Variants in TSGA10 observed in about 807,000 individuals in gnomAD.
TSGA10 encodes the protein testis-specific gene 10 protein.
A neutral mutation model predicts 96.6 loss-of-function variants in TSGA10; 43 were observed. The ratio of observed to expected loss-of-function variants is 0.44; its 90% CI spans 0.35 to 0.57. The LOEUF is 0.57. Ranked by LOEUF, TSGA10 falls within the 20% of genes least tolerant of loss-of-function variation. The pLI, the probability that TSGA10 is intolerant of heterozygous loss-of-function variation, is 0.01. For missense variants in TSGA10, 703 were observed against 834.4 expected, an observed-to-expected ratio of 0.84 and a Z score of 1.94; for synonymous variants, 229 against 269.9, an observed-to-expected ratio of 0.85 and a Z score of 1.48.
At chr2:99,093,202 TC>T (rs767886796) in intron 10 of TSGA10, among the ~76,000 whole-genome samples, 6 of 152,210 alleles carry the variant, frequency 3.9e-5, no homozygotes, top group East Asian at 1.9e-4. Context: ...AAATCCAGCA[TC>T]CCTTTATGAT....
chr2:99,055,490 TGGCAAGCATATGA>T (rs2083874744), intron 16 of TSGA10, among the ~76,000 whole-genome samples: 1 of 151,230 alleles, frequency 6.6e-6, no homozygotes, highest in Non-Finnish European at 1.5e-5. Context: ...AAAAAAAAAA[TGGCAAGCATATGA>T]GGTGCTGGAT....
In TSGA10 at chr2:99,102,567, G is replaced by A; in HGVS notation, c.611+1400C>T. ...TCTGGATGCTCAGCACAGAAAGGCT[G>A]TGTCAGATATGATTATGGAACTTGC... is the stretch of plus-strand genomic sequence containing the variant. On this transcript the variant is annotated intron_variant, in intron 10 of 20. Transcript: ENST00000393483. The A allele has an allele frequency of 2.5e-6, 4 of 1,614,128 alleles. No individual in the cohort carries two copies. In the South Asian group the frequency reaches 4.4e-5, roughly 18 times the overall value.
In TSGA10 at chr2:99,082,090, G is replaced by A. The variant is rs1473213396; in HGVS notation, c.612-693C>T. 2.6e-5 allele frequency among the ~76,000 whole-genome samples: 4 copies of A among 152,166 alleles called. No individual in the cohort carries two copies. In the East Asian group the frequency reaches 7.7e-4, roughly 29 times the overall value. ...CCCCTTCCTCAAGGAGTTAACCTGT[G>A]TAAGCAGACCCTCAGCATTTCAAAG... On this transcript the variant is annotated intron_variant, in intron 10 of 20. Transcript: ENST00000393483.
intron 15 of TSGA10, among the ~76,000 whole-genome samples, chr2:99,068,208 T>C (rs751519646): frequency 2.1e-4 from 32 of 152,208 alleles, no homozygotes; most frequent in Non-Finnish European, 3.8e-4. Context: ...GTTCAAGATA[T>C]GTTTGTGGAC....
chr2:99,132,959 CTG>C (rs1240126382), intron 1 of TSGA10, among the ~76,000 whole-genome samples: 3 of 152,076 alleles, frequency 2.0e-5, no homozygotes, highest in South Asian at 2.1e-4. Flanking sequence ...GTCTGCGAGA[CTG>C]TTATCATTTC....
At chr2:99,101,017 A>G (rs1327557916) in intron 10 of TSGA10, among the ~76,000 whole-genome samples, 1 of 150,550 alleles carries the variant, frequency 6.6e-6, no homozygotes, top group Admixed American at 6.6e-5. Flanking sequence ...TAATCCCAGC[A>G]CTTTGGAAGG....
At chr2:99,100,956 G>GAA (rs561618635) in intron 10 of TSGA10, among the ~76,000 whole-genome samples, 12 of 119,358 alleles carry the variant, frequency 1.0e-4, no homozygotes, top group African/African-American at 3.1e-4. Context: ...TAGGCTGGGT[G>GAA]AAAAAAAAAA....
intron 5 of TSGA10, among the ~76,000 whole-genome samples, 191 bp downstream of exon 5, chr2:99,110,659 T>C (rs1346336231): frequency 3.3e-5 from 5 of 152,118 alleles, no homozygotes; most frequent in Non-Finnish European, 5.9e-5. Flanking sequence ...GGAATAGTGA[T>C]GAAAGCAGCA....
At chr2:99,102,465 G>A in intron 10 of TSGA10, 1 of 1,613,854 alleles carries the variant, frequency 6.2e-7, no homozygotes, top group Non-Finnish European at 8.5e-7. Flanking sequence ...GAAATCCTTG[G>A]TAGCCCTTGC....
chr2:99,028,680 G>A (rs779804373), intron 17 of TSGA10, among the ~76,000 whole-genome samples: 14 of 152,156 alleles, frequency 9.2e-5, no homozygotes, highest in Admixed American at 7.2e-4. Flanking sequence ...CACAGAAGGG[G>A]TAGTTTTGAG....
intron 10 of TSGA10, among the ~76,000 whole-genome samples, chr2:99,082,671 T>C (rs2087677546): frequency 1.3e-5 from 2 of 152,126 alleles, no homozygotes; most frequent in African/African-American, 4.8e-5. Flanking sequence ...CAAAGGCCTA[T>C]GGAAAAGGAT....
At chr2:99,020,213 A>T in intron 18 of TSGA10, 67 bp downstream of exon 18, 1 of 1,393,768 alleles carries the variant, frequency 7.2e-7, no homozygotes. Flanking sequence ...ATTCTAGCTT[A>T]AAATTTCTAC....
At chr2:99,002,430 G>A (rs926528162) in intron 20 of TSGA10, among the ~76,000 whole-genome samples, 2 of 152,290 alleles carry the variant, frequency 1.3e-5, no homozygotes, top group African/African-American at 2.4e-5. Context: ...CAGACAAACA[G>A]ATGCTGAGAG....
chr2:99,140,365 G>A (rs1278045650), intron 1 of TSGA10, among the ~76,000 whole-genome samples: 1 of 151,812 alleles, frequency 6.6e-6, no homozygotes, highest in African/African-American at 2.4e-5. Context: ...TACTTGAAAT[G>A]CTGAACACCA....
At chr2:99,013,368 T>C (rs2104892851) in intron 20 of TSGA10, among the ~76,000 whole-genome samples, 1 of 152,264 alleles carries the variant, frequency 6.6e-6, no homozygotes, top group Middle Eastern at 3.4e-3. Context: ...TAATCTTCTC[T>C]GTTGCTCAGG....
At chr2:99,008,155 C>T (rs1288025549) in intron 20 of TSGA10, among the ~76,000 whole-genome samples, 5 of 152,018 alleles carry the variant, frequency 3.3e-5, no homozygotes, top group Non-Finnish European at 7.4e-5. Flanking sequence ...GATTTGCTAA[C>T]TGTGAATAGA....
At chr2:99,002,649 C>T (rs60324731) in intron 20 of TSGA10, among the ~76,000 whole-genome samples, 38 of 152,092 alleles carry the variant, frequency 2.5e-4, no homozygotes, top group African/African-American at 5.5e-4. Context: ...TAACCTTAAA[C>T]GTAAATGGGC....
At chr2:99,030,330 G>C (rs891755510) in intron 17 of TSGA10, among the ~76,000 whole-genome samples, 1 of 150,764 alleles carries the variant, frequency 6.6e-6, no homozygotes, top group East Asian at 2.0e-4. Context: ...CTGGGGGACA[G>C]AGCAAGGCTC....
chr2:99,041,555 G>A (rs186713717), intron 16 of TSGA10, among the ~76,000 whole-genome samples: 9 of 152,256 alleles, frequency 5.9e-5, no homozygotes, highest in Admixed American at 4.6e-4. Flanking sequence ...ATCTTCGAGA[G>A]AGCAAACAAA....
Sources: gnomAD v4.1 joint callset for allele counts (sites outside exome capture counted in the v4.1 genomes callset) on GRCh38, gnomAD v4.1.1 for gene constraint, MANE v1.5 for transcripts, NCBI Gene and HGNC (gene_info 2026-07-23, HGNC 2026-07-21) for gene names.